SLC4A10: variants seen among roughly 807,000 people sequenced by gnomAD.
SLC4A10 encodes the protein solute carrier family 4 member 10.
Under a neutral mutation model 137.7 loss-of-function variants are expected in SLC4A10, and 42 were observed. The observed-to-expected ratio is 0.30, with a 90% CI of 0.24 to 0.39. The LOEUF (loss-of-function observed/expected upper bound fraction) is 0.39. Ranked by LOEUF, SLC4A10 falls within the 10% of genes least tolerant of loss-of-function variation. The probability of loss-of-function intolerance (pLI) is 1.00; values close to 1 mark genes in which losing one functional copy is unlikely to be tolerated. For missense variants in SLC4A10, 925 were observed against 1,355.0 expected (o/e 0.68, Z 4.98); for synonymous variants, 474 against 464.1 (o/e 1.02, Z -0.27).
At chr2:161,673,223 C>T (rs1251238158) in intron 1 of SLC4A10, among the ~76,000 whole-genome samples, 3 of 152,100 alleles carry the variant, frequency 2.0e-5, no homozygotes, top group Non-Finnish European at 4.4e-5. Flanking sequence ...CCTAACTCAC[C>T]CTGTGACCCT....
chr2:161,797,434 A>G (rs766843077), intron 2 of SLC4A10, among the ~76,000 whole-genome samples: 4 of 151,894 alleles, frequency 2.6e-5, no homozygotes, highest in Non-Finnish European at 5.9e-5. Flanking sequence ...ACACAGTAAC[A>G]TTTGCCTCAT....
intron 19 of SLC4A10, among the ~76,000 whole-genome samples, chr2:161,953,114 A>T (rs903666203): frequency 2.0e-5 from 3 of 152,166 alleles, no homozygotes; most frequent in African/African-American, 4.8e-5. Context: ...TTAATGAATC[A>T]TGTTTTGTAG....
chr2:161,963,499 A>C (rs909351309), intron 21 of SLC4A10, among the ~76,000 whole-genome samples: 2 of 152,180 alleles, frequency 1.3e-5, no homozygotes, highest in East Asian at 3.8e-4. Context: ...ATTTAGGTTA[A>C]ATTTTTATGG....
intron 21 of SLC4A10, among the ~76,000 whole-genome samples, chr2:161,960,209 T>C (rs1055694909): frequency 1.3e-5 from 2 of 150,906 alleles, no homozygotes; most frequent in African/African-American, 2.4e-5. Flanking sequence ...ACTAAAAATA[T>C]AAAAATTATC....
intron 2 of SLC4A10, among the ~76,000 whole-genome samples, chr2:161,801,170 A>G (rs973754175): frequency 2.0e-5 from 3 of 152,050 alleles, no homozygotes; most frequent in Non-Finnish European, 4.4e-5. Context: ...ATCTGATAAT[A>G]TAGATAAGGG....
intron 5 of SLC4A10, among the ~76,000 whole-genome samples, chr2:161,859,847 G>T (rs983996808): frequency 2.0e-5 from 3 of 151,956 alleles, no homozygotes; most frequent in Admixed American, 2.0e-4. Flanking sequence ...TGATCCGCCC[G>T]CCTCGGCCTC....
rs547664920 is a variant in SLC4A10, at chr2:161,927,888, A to T, written c.1998-14904A>T. 2.1e-4 allele frequency among the ~76,000 whole-genome samples: 32 copies of T among 152,250 alleles called. 1 individual carries two copies. The South Asian group carries it at 6.4e-3, about 31-fold the overall frequency. ...CAGGAAACAACAGGTGCTGGAGAGGATGTGGAGAAATAGAAACACTTTTAC... is the reference window on the plus strand; with the variant it reads ...CAGGAAACAACAGGTGCTGGAGAGGTTGTGGAGAAATAGAAACACTTTTAC... On this transcript the variant is annotated intron_variant, in intron 15 of 26. Coordinates refer to ENST00000446997, the MANE Select transcript of SLC4A10 (RefSeq NM_001178015.2).
In SLC4A10 at chr2:161,745,041, C is replaced by T. The variant is rs140382531; in HGVS notation, c.49-25932C>T. On this transcript the variant is annotated intron_variant, in intron 1 of 26. Transcript: ENST00000446997. ...GACAAGTCTTGTGTTGACAAAAATC[C>T]CCCAACTTTGTCTGGGAAAGTCTTT... 2.5e-3 allele frequency among the ~76,000 whole-genome samples: 384 copies of T among 152,102 alleles called. 3 individuals carry two copies. The highest frequency in any genetic ancestry group is 8.8e-3 in the African/African-American group (366 of 41,526).
intron 1 of SLC4A10, among the ~76,000 whole-genome samples, chr2:161,643,132 A>C (rs2035539098): frequency 6.6e-6 from 1 of 152,078 alleles, no homozygotes; most frequent in Non-Finnish European, 1.5e-5. Flanking sequence ...TAGATAACTT[A>C]TGTCAATGCA....
intron 1 of SLC4A10, among the ~76,000 whole-genome samples, chr2:161,638,027 A>G (rs959330707): frequency 4.6e-5 from 7 of 152,176 alleles, no homozygotes; most frequent in African/African-American, 1.7e-4. Context: ...TAAATTCTGG[A>G]TATTTACCTT....
At position 161,666,080 on chromosome 2, in the gene SLC4A10, T is replaced by G. The variant is rs368636082; in HGVS notation, c.48+41514T>G. Among the ~76,000 whole-genome samples the G allele has an allele frequency of 1.7e-4, 25 of 151,382 alleles. No homozygotes were observed. The East Asian group carries it at 4.8e-3, about 29-fold the overall frequency. ...GTGAACATATATATTCTCAGGTATTTAAATTTTTAATGTTAAAAAACCCAA... is the reference window on the plus strand; with the variant it reads ...GTGAACATATATATTCTCAGGTATTGAAATTTTTAATGTTAAAAAACCCAA... On this transcript the variant is annotated intron_variant, in intron 1 of 26. Transcript: ENST00000446997.
intron 2 of SLC4A10, among the ~76,000 whole-genome samples, chr2:161,791,758 AT>A (rs1440953704): frequency 6.6e-6 from 1 of 152,130 alleles, no homozygotes; most frequent in East Asian, 1.9e-4. Flanking sequence ...TTGATATATA[AT>A]TGATTTCTGA....
At chr2:161,761,128 G>A (rs1346705659) in intron 1 of SLC4A10, among the ~76,000 whole-genome samples, 1 of 151,986 alleles carries the variant, frequency 6.6e-6, no homozygotes, top group East Asian at 1.9e-4. Flanking sequence ...AAGTCACATA[G>A]CTAGAAATTT....
At chr2:161,815,246 T>A (rs1213466040) in intron 3 of SLC4A10, among the ~76,000 whole-genome samples, 1 of 152,058 alleles carries the variant, frequency 6.6e-6, no homozygotes, top group Non-Finnish European at 1.5e-5. Flanking sequence ...GGACCTGTAA[T>A]CCCCATGTGT....
chr2:161,637,049 ATATATATG>A (rs1360160657), intron 1 of SLC4A10, among the ~76,000 whole-genome samples: 1 of 141,128 alleles, frequency 7.1e-6, no homozygotes, highest in Non-Finnish European at 1.6e-5. Context: ...ATGTATATAG[ATATATATG>A]TATATATCTA....
intron 1 of SLC4A10, among the ~76,000 whole-genome samples, chr2:161,668,653 C>A (rs1015601616): frequency 6.6e-6 from 1 of 151,772 alleles, no homozygotes; most frequent in African/African-American, 2.4e-5. Flanking sequence ...GAATCCATAA[C>A]TTTCATTACA....
intron 1 of SLC4A10, among the ~76,000 whole-genome samples, chr2:161,719,774 A>C (rs1180349607): frequency 4.0e-5 from 6 of 151,708 alleles, no homozygotes; most frequent in Admixed American, 1.3e-4. Context: ...ATTTGAGTTC[A>C]TTGTAGATTC....
chr2:161,779,240 T>C (rs1380400997), intron 2 of SLC4A10, among the ~76,000 whole-genome samples: 1 of 151,956 alleles, frequency 6.6e-6, no homozygotes, highest in Non-Finnish European at 1.5e-5. Context: ...ACTCCCTCAC[T>C]ACCATGAGAA....
chr2:161,662,324 T>A (rs1680694129), intron 1 of SLC4A10, among the ~76,000 whole-genome samples: 1 of 152,176 alleles, frequency 6.6e-6, no homozygotes. Context: ...GCTTACAGTT[T>A]CCTTAAAATT....
Sources: gnomAD v4.1 joint callset for allele counts (sites outside exome capture counted in the v4.1 genomes callset) on GRCh38, gnomAD v4.1.1 for gene constraint, MANE v1.5 for transcripts, NCBI Gene and HGNC (gene_info 2026-07-23, HGNC 2026-07-21) for gene names.